The following C7 variants were observed in gnomAD, a reference collection of about 807,000 sequenced individuals.
The protein encoded by C7 is complement component C7.
A neutral mutation model predicts 104.8 loss-of-function variants in C7; 83 were observed. That is an observed-to-expected ratio of 0.79 (90% CI 0.66 to 0.95). The LOEUF is 0.95. C7 is among the 40% of genes least tolerant of loss of function. C7 has a pLI of 0.00. For synonymous variants in C7, 415 were observed against 360.6 expected, an observed-to-expected ratio of 1.15 and a Z score of -1.71; for missense variants, 1,070 against 1,011.2, an observed-to-expected ratio of 1.06 and a Z score of -0.79.
At chr5:40,912,828 G>A (rs1453115086) in intron 1 of C7, among the ~76,000 whole-genome samples, 1 of 151,900 alleles carries the variant, frequency 6.6e-6, no homozygotes, top group Non-Finnish European at 1.5e-5. Context: ...ACATTTAAGG[G>A]GTACAAGTGC....
At position 40,909,580 on chromosome 5, in the gene C7, C is replaced by T; in HGVS notation, c.-31C>T. On this transcript the variant is annotated 5_prime_UTR_variant, in exon 1 of 18. Transcript: ENST00000313164. ...CGGCCCTTACAGAGGAAATCTTCCT[C>T]CTCTCTTCTGCCCTGAATGTTTTCC... The T allele has an allele frequency of 1.3e-6, 2 of 1,558,778 alleles. No homozygotes were observed. Among genetic ancestry groups the T allele is most frequent in the East Asian group, 2.3e-5 (1 of 43,888 alleles).
chr5:40,931,201 AATG>A, intron 3 of C7, 62 bp downstream of exon 3: 2 of 1,217,748 alleles, frequency 1.6e-6, no homozygotes, highest in Non-Finnish European at 2.4e-6. Context: ...GCATGGCCAA[AATG>A]GTATTAACTT....
chr5:40,928,428 T>C (rs964776687), intron 1 of C7, among the ~76,000 whole-genome samples, 152 bp from the exon 2 acceptor site: 1 of 152,232 alleles, frequency 6.6e-6, no homozygotes, highest in Non-Finnish European at 1.5e-5. Flanking sequence ...GTGATAGATA[T>C]GTTAACTGGC....
rs116703962 is a variant in C7, at chr5:40,931,178, C to T, written c.138+39C>T. On this transcript the variant is annotated intron_variant, in intron 3 of 17. Transcript: ENST00000313164. ...AAACTTTGTATTTGATTATTTATTG[C>T]AGAAATACTTTGGCATGGCCAAAAT... is the stretch of plus-strand genomic sequence containing the variant. 1,059 of 1,494,298 alleles carry T rather than the reference C, an allele frequency of 7.1e-4. 11 individuals are homozygous for T. The African/African-American group carries it at 0.013, about 19-fold the overall frequency. The allele number at this position is 1,494,298 out of a possible 1,614,324, so 92.6% of individuals were successfully genotyped here.
chr5:40,961,045 A>G (rs1239083092), intron 12 of C7, among the ~76,000 whole-genome samples: 1 of 152,198 alleles, frequency 6.6e-6, no homozygotes, highest in Non-Finnish European at 1.5e-5. Context: ...CTTTCACCAA[A>G]TAATGTGCTT....
chr5:40,971,191 C>T (rs1020403597), intron 14 of C7, among the ~76,000 whole-genome samples: 7 of 152,166 alleles, frequency 4.6e-5, no homozygotes, highest in Non-Finnish European at 1.0e-4. Flanking sequence ...AACTAGTTTA[C>T]ACTCCTACCA....
At chr5:40,979,668 T>G (rs985119887) in intron 16 of C7, 57 bp from the exon 17 acceptor site, 12 of 1,460,282 alleles carry the variant, frequency 8.2e-6, no homozygotes, top group Middle Eastern at 2.4e-4. Flanking sequence ...TCATTTCTCC[T>G]TCTCAGCTTT....
chr5:40,972,667 G>A (rs34641824), intron 15 of C7, 73 bp downstream of exon 15: 266,975 of 1,224,952 alleles, frequency 0.22, 31,217 homozygotes, highest in South Asian at 0.32. Flanking sequence ...GACCTTCATG[G>A]TACTGTATCA....
intron 1 of C7, among the ~76,000 whole-genome samples, chr5:40,925,341 G>A (rs1344305286): frequency 6.6e-6 from 1 of 152,060 alleles, no homozygotes; most frequent in Non-Finnish European, 1.5e-5. Flanking sequence ...ACAAAACCAG[G>A]TGACTTTTGC....
At chr5:40,918,299 G>A (rs2111616360) in intron 1 of C7, among the ~76,000 whole-genome samples, 1 of 151,942 alleles carries the variant, frequency 6.6e-6, no homozygotes, top group Non-Finnish European at 1.5e-5. Flanking sequence ...GGTCGAGGGT[G>A]CAGTGAGCTG....
At chr5:40,960,949 G>T (rs1250012690) in intron 12 of C7, among the ~76,000 whole-genome samples, 1 of 152,020 alleles carries the variant, frequency 6.6e-6, no homozygotes, top group African/African-American at 2.4e-5. Context: ...TGTCAGGATT[G>T]GCACTTGTGG....
chr5:40,910,795 AAAAAAAAAAAC>A (rs1372483162), intron 1 of C7, among the ~76,000 whole-genome samples: 6 of 148,954 alleles, frequency 4.0e-5, no homozygotes, highest in Admixed American at 6.6e-5. Flanking sequence ...CTCTCTCAAA[AAAAAAAAAAAC>A]AAAAAAAAAA....
chr5:40,915,935 G>T (rs987223393), intron 1 of C7, among the ~76,000 whole-genome samples: 37 of 152,160 alleles, frequency 2.4e-4, no homozygotes, highest in Non-Finnish European at 1.2e-4. Context: ...GAGTTTTGGG[G>T]AGTTCAGGAA....
intron 13 of C7, 30 bp from the exon 14 acceptor site, chr5:40,964,711 T>C: frequency 6.2e-7 from 1 of 1,603,020 alleles, no homozygotes; most frequent in Non-Finnish European, 8.5e-7. Flanking sequence ...AGACAAACTC[T>C]TTCCTTTTCC....
At chr5:40,915,519 C>A (rs1003520607) in intron 1 of C7, among the ~76,000 whole-genome samples, 15 of 151,932 alleles carry the variant, frequency 9.9e-5, no homozygotes, top group Admixed American at 6.6e-5. Context: ...ATAGGCTTTC[C>A]CAGGGACAAG....
At chr5:40,937,382 G>A in intron 5 of C7, 170 bp from the exon 6 acceptor site, 2 of 466,474 alleles carry the variant, frequency 4.3e-6, no homozygotes, top group Non-Finnish European at 7.3e-6. Flanking sequence ...AATGTATGGT[G>A]TGTATTAGGA....
intron 1 of C7, among the ~76,000 whole-genome samples, chr5:40,912,629 G>A (rs1258915724): frequency 6.6e-6 from 1 of 152,064 alleles, no homozygotes; most frequent in Non-Finnish European, 1.5e-5. Flanking sequence ...CAAATGCCAG[G>A]ATTACAGGCA....
At chr5:40,964,683 G>A (rs549144386) in intron 13 of C7, 58 bp from the exon 14 acceptor site, 346 of 1,482,956 alleles carry the variant, frequency 2.3e-4, no homozygotes, top group Middle Eastern at 3.5e-4. Flanking sequence ...GTAAAGAAAC[G>A]TTTTGTTAAT....
At chr5:40,915,633 T>C (rs1327256317) in intron 1 of C7, among the ~76,000 whole-genome samples, 2 of 152,294 alleles carry the variant, frequency 1.3e-5, no homozygotes, top group African/African-American at 2.4e-5. Flanking sequence ...TAAAAACTTA[T>C]ACGATCCACA....
Sources: gnomAD v4.1 joint callset for allele counts (sites outside exome capture counted in the v4.1 genomes callset) on GRCh38, gnomAD v4.1.1 for gene constraint, MANE v1.5 for transcripts, NCBI Gene and HGNC (gene_info 2026-07-23, HGNC 2026-07-21) for gene names.